The following BBS2 variants were observed in gnomAD, a reference collection of about 807,000 sequenced individuals.
The protein encoded by BBS2 is Bardet-Biedl syndrome 2.
Under a neutral mutation model 83.0 loss-of-function variants are expected in BBS2, and 62 were observed. That is an observed-to-expected ratio of 0.75 (90% CI 0.61 to 0.92). The LOEUF (loss-of-function observed/expected upper bound fraction) is 0.92, where lower values mean the gene tolerates loss of function less well. Among genes scored for constraint, BBS2 ranks in the 40% least tolerant of loss-of-function variants. The pLI is 0.00. For missense variants in BBS2, 784 were observed against 901.0 expected (o/e 0.87, Z 1.66); for synonymous variants, 303 against 326.1 (o/e 0.93, Z 0.76).
chr16:56,502,518 C>A lies in BBS2; in HGVS notation c.941-62G>T, dbSNP rs1387875642. 2.5e-6 allele frequency: 4 copies of A among 1,612,598 alleles called. No homozygotes were observed. In the African/African-American group the frequency reaches 5.3e-5, roughly 22 times the overall value. On this transcript the variant is annotated intron_variant, in intron 8 of 16. Coordinates refer to ENST00000245157, the MANE Select transcript of BBS2 (RefSeq NM_031885.5). The stretch of plus-strand genomic sequence containing the variant: ...ATACTTTTAGGTCATCAATTACCTG[C>A]TCTTAAAAACAAAAACCTAAGTTCT...
Position 56,511,177 on chromosome 16 carries a change from T to C in BBS2, c.453A>G (p.Gly151=), listed in dbSNP as rs144460758. The C allele has an allele frequency of 2.5e-6, 4 of 1,614,100 alleles. No individual in the cohort carries two copies. Among genetic ancestry groups the C allele is most frequent in the Non-Finnish European group, 2.5e-6 (3 of 1,180,012 alleles). The change falls in exon 3 of 17, where the codon GGA becomes GGG. Residue 151 remains glycine, a synonymous_variant. Coordinates refer to ENST00000245157, the MANE Select transcript of BBS2 (RefSeq NM_031885.5). ...TTCATACCGTCCAAAAGAGATCACT[T>C]CCTTCATGATTGAAACCTTGCAGAG... ...NCALQGFNHE[G]SDLFWTVTGD...
intron 15 of BBS2, among the ~76,000 whole-genome samples, chr16:56,489,958 T>C (rs1248198020): frequency 6.6e-6 from 1 of 151,752 alleles, no homozygotes; most frequent in Non-Finnish European, 1.5e-5. Flanking sequence ...ACCCTGGGTC[T>C]ACACAAAAAT....
intron 2 of BBS2, among the ~76,000 whole-genome samples, chr16:56,512,314 T>C (rs1964600885): frequency 1.3e-5 from 2 of 152,148 alleles, no homozygotes; most frequent in South Asian, 2.1e-4. Flanking sequence ...ATAAACCACA[T>C]AGCCCAGCAA....
At position 56,520,013 on chromosome 16, in the gene BBS2, C is replaced by T; in HGVS notation, c.-151G>A. 5 of 690,396 alleles carry T rather than the reference C, an allele frequency of 7.2e-6. No homozygotes were observed. The highest frequency in any genetic ancestry group is 1.3e-5 in the Non-Finnish European group (5 of 382,830). The allele number at this position is 690,396 out of a possible 1,614,324, so 42.8% of individuals were successfully genotyped here. On this transcript the variant is annotated 5_prime_UTR_variant, in exon 1 of 17. Coordinates refer to ENST00000245157, the MANE Select transcript of BBS2 (RefSeq NM_031885.5). ...CGAAACAGCCCGGGACGAACCCGTCCAGGTACCGCCTGCTCCTCCTGCGGC... is the reference window on the plus strand; with the variant it reads ...CGAAACAGCCCGGGACGAACCCGTCTAGGTACCGCCTGCTCCTCCTGCGGC...
At chr16:56,476,168 C>T in intron 17 of BBS2, 1 of 1,612,978 alleles carries the variant, frequency 6.2e-7, no homozygotes, top group Non-Finnish European at 8.5e-7. Flanking sequence ...CCAAACAGAA[C>T]AGGTTTCTGG....
chr16:56,493,103 G>A (rs1279092065), intron 15 of BBS2, among the ~76,000 whole-genome samples: 1 of 152,048 alleles, frequency 6.6e-6, no homozygotes. Flanking sequence ...AAGCAAGGTG[G>A]AGGCTGGACA....
At chr16:56,518,574 T>C (rs1487795512) in intron 1 of BBS2, among the ~76,000 whole-genome samples, 1 of 152,232 alleles carries the variant, frequency 6.6e-6, no homozygotes, top group African/African-American at 2.4e-5. Flanking sequence ...AATTAGTAGG[T>C]ACTGGAGCCA....
At chr16:56,514,995 C>T (rs1465049125) in intron 1 of BBS2, among the ~76,000 whole-genome samples, 2 of 152,140 alleles carry the variant, frequency 1.3e-5, no homozygotes, top group Non-Finnish European at 2.9e-5. Context: ...AGCCTTTTCC[C>T]GATCAACCTA....
intron 17 of BBS2, chr16:56,475,641 T>A (rs1963436062): frequency 8.2e-7 from 1 of 1,213,298 alleles, no homozygotes. Flanking sequence ...CCAATTTTTA[T>A]GACCTTCTAC....
downstream of BBS2, among the ~76,000 whole-genome samples, chr16:56,481,684 C>T (rs746563214): frequency 6.6e-6 from 1 of 152,092 alleles, no homozygotes; most frequent in Non-Finnish European, 1.5e-5. Context: ...AAACATATGG[C>T]AACAAAATAG....
intron 16 of BBS2, 143 bp downstream of exon 16, chr16:56,485,447 A>C: frequency 2.6e-6 from 3 of 1,156,686 alleles, no homozygotes; most frequent in Non-Finnish European, 3.9e-6. Context: ...TGACTGAAAC[A>C]TAAGTGACTG....
downstream of BBS2, among the ~76,000 whole-genome samples, chr16:56,481,358 G>T (rs1481052896): frequency 2.6e-5 from 4 of 152,034 alleles, no homozygotes; most frequent in African/African-American, 9.7e-5. Context: ...GCTTAACAGG[G>T]GATTAAGATT....
chr16:56,471,109 T>C (rs1216023678), intron 17 of BBS2, among the ~76,000 whole-genome samples: 3 of 151,886 alleles, frequency 2.0e-5, no homozygotes, highest in African/African-American at 7.3e-5. Flanking sequence ...CCCAGCACTT[T>C]TGGAGGCGGA....
At chr16:56,496,894 C>T (rs1428439231) in intron 15 of BBS2, 73 bp downstream of exon 15, 4 of 1,056,574 alleles carry the variant, frequency 3.8e-6, no homozygotes, top group Non-Finnish European at 6.0e-6. Context: ...CTATTGGTAA[C>T]ATCTGAGAGT....
intron 15 of BBS2, among the ~76,000 whole-genome samples, chr16:56,494,911 G>A (rs372431350): frequency 1.1e-4 from 17 of 149,850 alleles, no homozygotes; most frequent in South Asian, 2.1e-4. Context: ...GCAGTGAGCC[G>A]AGATTGCACC....
At chr16:56,511,707 T>C (rs1964581865) in intron 2 of BBS2, among the ~76,000 whole-genome samples, 1 of 152,194 alleles carries the variant, frequency 6.6e-6, no homozygotes, top group Non-Finnish European at 1.5e-5. Flanking sequence ...CCCTCTAATA[T>C]GTACATGTCC....
chr16:56,501,771 G>T, intron 9 of BBS2: 1 of 470,644 alleles, frequency 2.1e-6, no homozygotes, highest in Non-Finnish European at 3.8e-6. Flanking sequence ...TTCTTTTAAA[G>T]TAAGCAAACA....
At chr16:56,483,290 A>G (rs193301031), downstream of BBS2, among the ~76,000 whole-genome samples, 84 of 152,344 alleles carry the variant, frequency 5.5e-4, no homozygotes, top group African/African-American at 1.9e-3. Context: ...TATCTGGTAC[A>G]TGGCTGTAAA....
chr16:56,481,283 T>C (rs1305404017), downstream of BBS2, among the ~76,000 whole-genome samples: 1 of 152,050 alleles, frequency 6.6e-6, no homozygotes, highest in African/African-American at 2.4e-5. Context: ...TGCTATTCTA[T>C]GCTCAAGGCA....
Sources: gnomAD v4.1 joint callset for allele counts (sites outside exome capture counted in the v4.1 genomes callset) on GRCh38, gnomAD v4.1.1 for gene constraint, MANE v1.5 for transcripts, NCBI Gene and HGNC (gene_info 2026-07-23, HGNC 2026-07-21) for gene names.